RRAGB: variants seen among roughly 807,000 people sequenced by gnomAD.
RRAGB encodes the protein Ras related GTP binding B, also known as ras-related GTP-binding protein B.
RRAGB carries 6 observed loss-of-function variants against 29.3 expected under a neutral mutation model. The ratio of observed to expected loss-of-function variants is 0.21; its 90% CI spans 0.11 to 0.40. The LOEUF (loss-of-function observed/expected upper bound fraction) is 0.40, where lower values mean the gene tolerates loss of function less well. Among genes scored for constraint, RRAGB ranks in the 10% least tolerant of loss-of-function variants. RRAGB has a pLI of 1.00. For missense variants in RRAGB, 184 were observed against 272.9 expected (o/e 0.67, Z 2.29); for synonymous variants, 101 against 92.5 (o/e 1.09, Z -0.53).
intron 5 of RRAGB, among the ~76,000 whole-genome samples, chrX:55,746,823 A>ATGGG (rs1406123759): frequency 8.9e-6 from 1 of 111,910 alleles, no homozygotes; most frequent in East Asian, 2.8e-4. Context: ...TTCTTACCCC[A>ATGGG]TGGGCTGCAA....
chrX:55,745,529 T>C (rs2034215697), intron 5 of RRAGB, among the ~76,000 whole-genome samples: 1 of 112,590 alleles, frequency 8.9e-6, no homozygotes, highest in African/African-American at 3.2e-5. Flanking sequence ...TTTATGACAG[T>C]CCACTGTCCA....
At position 55,758,719 on chromosome X, in the gene RRAGB, C is replaced by A; in HGVS notation, c.*376C>A. The A allele has an allele frequency of 8.3e-6, 1 of 120,898 alleles. No individual in the cohort carries two copies. Among genetic ancestry groups the A allele is most frequent in the Non-Finnish European group, 1.7e-5 (1 of 58,205 alleles). The allele number at this position is 120,898 out of a possible 1,213,427, so 10.0% of individuals were successfully genotyped here. The stretch of plus-strand genomic sequence containing the variant: ...GTTTGGAGTATTACTGTTTTCTCAG[C>A]ATGCATTAAAAATATTCCTTAACTT... On this transcript the variant is annotated 3_prime_UTR_variant, in exon 10 of 10. Transcript: ENST00000374941.
chrX:55,727,206 C>G, intron 3 of RRAGB: 2 of 768,071 alleles, frequency 2.6e-6, no homozygotes, highest in East Asian at 7.7e-5. Flanking sequence ...AACCTGATTT[C>G]TATCCCATGT....
chrX:55,754,766 T>C (rs1287687136), intron 7 of RRAGB, among the ~76,000 whole-genome samples: 1 of 112,006 alleles, frequency 8.9e-6, no homozygotes, highest in South Asian at 3.7e-4. Context: ...CCCAGAGGTA[T>C]TTGGGAGCCA....
rs748674339 is a variant in RRAGB at position 55,718,363 on chromosome X, A to G, written c.36A>G (p.Lys12=). 3.3e-6 allele frequency: 4 copies of G among 1,207,545 alleles called. No individual in the cohort carries two copies. In the South Asian group the frequency reaches 5.4e-5, roughly 16 times the overall value. ...CTGACTCTGAGAAAACGACGGAGAA[A>G]GAAAATCTGGGGCCGAGAATGGATC... ...EESDSEKTTE[K]ENLGPRMDPP... Residue 12 remains lysine, a synonymous_variant, in exon 1 of 10, where the codon AAA becomes AAG. Coordinates refer to ENST00000374941, the MANE Select transcript of RRAGB (RefSeq NM_006064.5).
rs779175326 is a variant in RRAGB at position 55,740,094 on chromosome X, G to A, written c.516+8508G>A. 2.8e-3 allele frequency among the ~76,000 whole-genome samples: 314 copies of A among 111,581 alleles called. 2 individuals are homozygous for A. Among genetic ancestry groups the A allele is most frequent in the African/African-American group, 9.8e-3 (302 of 30,732 alleles). ...CCCAGCAACTTTGGGAGGCCGTGGC[G>A]GGCGGATCACAAGGTCAGGAGATCG... On this transcript the variant is annotated intron_variant, in intron 5 of 9. Coordinates refer to ENST00000374941, the MANE Select transcript of RRAGB (RefSeq NM_006064.5).
At chrX:55,730,447 T>C (rs1317107488) in intron 4 of RRAGB, among the ~76,000 whole-genome samples, 1 of 111,909 alleles carries the variant, frequency 8.9e-6, no homozygotes. Flanking sequence ...CCAGGGAGAT[T>C]ATCATTCTGC....
intron 5 of RRAGB, among the ~76,000 whole-genome samples, chrX:55,744,604 T>A (rs1421645821): frequency 9.0e-6 from 1 of 110,799 alleles, no homozygotes; most frequent in African/African-American, 3.3e-5. Flanking sequence ...TGGCCCATGA[T>A]TAAGTGTTCA....
At chrX:55,722,729 A>G (rs1299438396) in intron 3 of RRAGB, among the ~76,000 whole-genome samples, 2 of 111,984 alleles carry the variant, frequency 1.8e-5, no homozygotes, top group Admixed American at 9.5e-5. Context: ...AGTTAACTTG[A>G]TCTGTACTCT....
chrX:55,733,754 T>A (rs775169072), intron 5 of RRAGB, among the ~76,000 whole-genome samples: 4 of 111,628 alleles, frequency 3.6e-5, no homozygotes, highest in African/African-American at 1.3e-4. Context: ...GTATATTGAT[T>A]TGTAGCTTTC....
At chrX:55,731,231 A>G in intron 4 of RRAGB, 133 bp from the exon 5 acceptor site, 1 of 493,009 alleles carries the variant, frequency 2.0e-6, no homozygotes, top group Non-Finnish European at 3.4e-6. Flanking sequence ...GGCCAGACTT[A>G]TTTGTTATGA....
At chrX:55,723,688 C>G (rs900133666) in intron 3 of RRAGB, among the ~76,000 whole-genome samples, 1 of 110,676 alleles carries the variant, frequency 9.0e-6, no homozygotes, top group Non-Finnish European at 1.9e-5. Flanking sequence ...TCCCAAGTAG[C>G]TGGGACTACA....
chrX:55,751,982 C>G (rs1249305534), intron 6 of RRAGB, among the ~76,000 whole-genome samples: 1 of 111,163 alleles, frequency 9.0e-6, no homozygotes. Context: ...CCTTCTCTGT[C>G]ACTGGTAGCT....
intron 8 of RRAGB, 59 bp from the exon 9 acceptor site, chrX:55,757,157 A>C: frequency 6.8e-6 from 4 of 585,211 alleles, no homozygotes; most frequent in Non-Finnish European, 5.7e-6. Context: ...AACATAAATA[A>C]GAGCTTGTTG....
chrX:55,744,930 G>A (rs1312372486), intron 5 of RRAGB, among the ~76,000 whole-genome samples: 1 of 111,993 alleles, frequency 8.9e-6, no homozygotes, highest in Non-Finnish European at 1.9e-5. Context: ...GCCAAATGAA[G>A]ACTGTGTTGC....
chrX:55,731,848 A>T (rs5914431), intron 5 of RRAGB: 166,025 of 272,930 alleles, frequency 0.61, 41,397 homozygotes, highest in East Asian at 0.77. Flanking sequence ...TTTATTTTTA[A>T]AATATATTTG....
At chrX:55,740,132 C>T (rs1303734187) in intron 5 of RRAGB, among the ~76,000 whole-genome samples, 1 of 111,151 alleles carries the variant, frequency 9.0e-6, no homozygotes, top group African/African-American at 3.3e-5. Flanking sequence ...ACCATCCTGG[C>T]TAATACGGTG....
intron 3 of RRAGB, chrX:55,727,249 A>G: frequency 9.0e-7 from 1 of 1,113,423 alleles, no homozygotes; most frequent in Non-Finnish European, 1.2e-6. Flanking sequence ...GACTCCTGTC[A>G]CTTCTTTTGT....
At chrX:55,753,549 C>G in intron 7 of RRAGB, 35 bp downstream of exon 7, 1 of 1,134,219 alleles carries the variant, frequency 8.8e-7, no homozygotes, top group Non-Finnish European at 1.2e-6. Flanking sequence ...GTACTTCACA[C>G]TGTACGTTCT....
Sources: gnomAD v4.1 joint callset for allele counts (sites outside exome capture counted in the v4.1 genomes callset) on GRCh38, gnomAD v4.1.1 for gene constraint, MANE v1.5 for transcripts, NCBI Gene and HGNC (gene_info 2026-07-23, HGNC 2026-07-21) for gene names.